The following EZH1 variants were observed in gnomAD, a reference collection of about 807,000 sequenced individuals.
EZH1 encodes histone-lysine N-methyltransferase EZH1.
In EZH1, 33 loss-of-function variants were observed where a neutral mutation model predicts 100.5. The observed-to-expected ratio is 0.33, with a 90% CI of 0.25 to 0.44. The LOEUF is 0.44. EZH1 is among the 20% of genes least tolerant of loss of function. The probability of loss-of-function intolerance (pLI) is 1.00; values close to 1 mark genes in which losing one functional copy is unlikely to be tolerated. For synonymous variants in EZH1, 272 were observed against 313.8 expected (o/e 0.87, Z 1.41); for missense variants, 475 against 928.4 (o/e 0.51, Z 6.35).
chr17:42,706,734 A>G lies in EZH1; in HGVS notation c.1661-549T>C, dbSNP rs1454462676. 1.3e-5 allele frequency among the ~76,000 whole-genome samples: 2 copies of G among 152,090 alleles called. No homozygotes were observed. The highest frequency in any genetic ancestry group is 4.8e-5 in the African/African-American group (2 of 41,424). On this transcript the variant is annotated intron_variant, in intron 15 of 20. Transcript: ENST00000428826. This position sits in a 1 kb window ranked among gnomAD's most constrained non-coding sequence, Gnocchi z 4.4. ...AAAAAAAGCAGGTATACTAATAAGAAGTGTCCCCTAGAGATTCCCCAACAA... is the reference window on the plus strand; with the variant it reads ...AAAAAAAGCAGGTATACTAATAAGAGGTGTCCCCTAGAGATTCCCCAACAA...
At chr17:42,729,040 G>A in intron 2 of EZH1, 88 bp from the exon 3 acceptor site, 1 of 1,283,690 alleles carries the variant, frequency 7.8e-7, no homozygotes, top group Non-Finnish European at 1.1e-6. Flanking sequence ...GATCAATTAT[G>A]CTTTCATTCC....
At chr17:42,716,285 A>C (rs997879224) in intron 10 of EZH1, among the ~76,000 whole-genome samples, 4 of 152,188 alleles carry the variant, frequency 2.6e-5, no homozygotes, top group Admixed American at 6.6e-5. Flanking sequence ...ACATTTACCA[A>C]ATGAGCATCA....
intron 16 of EZH1, 44 bp from the exon 17 acceptor site, chr17:42,705,227 A>G: frequency 1.8e-6 from 2 of 1,083,006 alleles, no homozygotes; most frequent in African/African-American, 1.6e-5. Flanking sequence ...GGTGTGCATG[A>G]GTAGGGGGTG....
intron 1 of EZH1, among the ~76,000 whole-genome samples, chr17:42,734,381 T>C (rs888627290): frequency 6.6e-6 from 1 of 152,272 alleles, no homozygotes. Context: ...CCGTTCCTTT[T>C]TGGCATTCAT....
intron 1 of EZH1, among the ~76,000 whole-genome samples, chr17:42,744,772 G>A (rs2054248146): frequency 6.6e-6 from 1 of 151,818 alleles, no homozygotes; most frequent in Non-Finnish European, 1.5e-5. Context: ...CTCCTCCCGG[G>A]CACACAGCCC....
chr17:42,712,255 G>A (rs1270198483), intron 12 of EZH1, 34 bp downstream of exon 12: 1 of 1,602,870 alleles, frequency 6.2e-7, no homozygotes, highest in African/African-American at 1.3e-5. Flanking sequence ...CGTGAAAGGA[G>A]GGGCCCATTT....
intron 12 of EZH1, among the ~76,000 whole-genome samples, chr17:42,710,372 G>A (rs749232050): frequency 2.0e-5 from 3 of 152,174 alleles, no homozygotes; most frequent in South Asian, 2.1e-4. Flanking sequence ...TAAAGATACC[G>A]GAGCCTCAGC....
chr17:42,708,005 A>G lies in EZH1; in HGVS notation c.1613T>C (p.Ile538Thr). The G allele has an allele frequency of 6.2e-7, 1 of 1,612,898 alleles. No individual in the cohort carries two copies. Among genetic ancestry groups the G allele is most frequent in the Non-Finnish European group, 8.5e-7 (1 of 1,179,724 alleles). The stretch of plus-strand genomic sequence containing the variant: ...CTTCTCACAGAAATTCTGAGTCATG[A>G]TGCAGGGGCAGGTGCTGTCACAGGG... ...DRPCDSTCPC[I>T]MTQNFCEKFC... Residue 538 changes from isoleucine (I) to threonine (T), a missense_variant, in exon 15 of 21, where the codon ATC becomes ACC. Transcript: ENST00000428826.
chr17:42,730,487 CT>C (rs1156867481), intron 2 of EZH1, among the ~76,000 whole-genome samples: 173 of 66,652 alleles, frequency 2.6e-3, no homozygotes, highest in African/African-American at 8.4e-3. Context: ...AGTATGTATT[CT>C]TTTTTTTTTT....
chr17:42,710,371 C>T (rs746399803), intron 12 of EZH1, among the ~76,000 whole-genome samples: 2 of 152,126 alleles, frequency 1.3e-5, no homozygotes, highest in Non-Finnish European at 2.9e-5. Context: ...ATAAAGATAC[C>T]GGAGCCTCAG....
Position 42,713,208 on chromosome 17 carries a change from C to T in EZH1, c.1204+1G>A. ...AAGTCTTCATTTTCTGTTCATCGTA[C>T]CTGAAGAACTGGAGGCCCAGTCATT... On this transcript the variant is annotated splice_donor_variant, in intron 11 of 20. Coordinates refer to ENST00000428826, the MANE Select transcript of EZH1 (RefSeq NM_001991.5). LOFTEE classifies it high-confidence loss of function. 6.2e-7 allele frequency: 1 copy of T among 1,612,464 alleles called. No homozygotes were observed. The highest frequency in any genetic ancestry group is 8.5e-7 in the Non-Finnish European group (1 of 1,179,438).
intron 11 of EZH1, 130 bp downstream of exon 11, chr17:42,713,079 C>T (rs2053522035): frequency 4.5e-6 from 2 of 443,792 alleles, no homozygotes; most frequent in Non-Finnish European, 7.8e-6. Flanking sequence ...CCCATCTTTA[C>T]TGTTTACAAA....
intron 1 of EZH1, among the ~76,000 whole-genome samples, chr17:42,733,045 A>G (rs145923318): frequency 0.033 from 5,028 of 150,848 alleles, 125 homozygotes; most frequent in Admixed American, 0.054. Flanking sequence ...AAAAAAAAAA[A>G]AAAAAGAAAA....
At chr17:42,744,679 C>A (rs2054245328) in intron 1 of EZH1, among the ~76,000 whole-genome samples, 1 of 152,202 alleles carries the variant, frequency 6.6e-6, no homozygotes. Context: ...CCTCCCGCGC[C>A]CTTTGGGCGC....
At chr17:42,734,225 A>G (rs1292604039) in intron 1 of EZH1, among the ~76,000 whole-genome samples, 2 of 151,722 alleles carry the variant, frequency 1.3e-5, no homozygotes, top group African/African-American at 4.8e-5. Flanking sequence ...TTTTTAGTAG[A>G]GACAAGGTTT....
rs565110714 is a variant in EZH1, at chr17:42,718,660, C to T, written c.768-43G>A. On this transcript the variant is annotated intron_variant, in intron 8 of 20. Coordinates refer to ENST00000428826, the MANE Select transcript of EZH1 (RefSeq NM_001991.5). This position sits in a 1 kb window ranked among gnomAD's most constrained non-coding sequence, Gnocchi z 4.2. ...GATAAGAGTTCCTCCGAGGAACTGC[C>T]TCCACTGAGGAAATACAGATTGGGT... 232 of 1,598,602 alleles carry T rather than the reference C, an allele frequency of 1.5e-4. 1 individual carries two copies. In the South Asian group the frequency reaches 2.4e-3, roughly 17 times the overall value.
Position 42,709,948 on chromosome 17 carries a change from A to T in EZH1, c.1402-11T>A. The T allele has an allele frequency of 1.2e-6, 2 of 1,613,742 alleles. No individual in the cohort carries two copies. Among genetic ancestry groups the T allele is most frequent in the Non-Finnish European group, 1.7e-6 (2 of 1,179,654 alleles). On this transcript the variant is annotated splice_polypyrimidine_tract_variant and intron_variant, in intron 12 of 20. Transcript: ENST00000428826. ...TGCAAACTGAAAGACCTGGAAGAGA[A>T]ATCCAACGGGCCTGTCACTCCTCGA... is the stretch of plus-strand genomic sequence containing the variant.
At chr17:42,715,744 A>C (rs1034014438) in intron 10 of EZH1, among the ~76,000 whole-genome samples, 4 of 152,210 alleles carry the variant, frequency 2.6e-5, no homozygotes, top group African/African-American at 9.6e-5. Context: ...TTTGAGATTA[A>C]AAACGAGTAA....
intron 1 of EZH1, among the ~76,000 whole-genome samples, chr17:42,740,022 T>C (rs1266071418): frequency 6.6e-6 from 1 of 151,540 alleles, no homozygotes; most frequent in East Asian, 2.0e-4. Flanking sequence ...CAAAGGAAAA[T>C]GCTGGCTCAC....
Sources: gnomAD v4.1 joint callset for allele counts (sites outside exome capture counted in the v4.1 genomes callset) on GRCh38, gnomAD v4.1.1 for gene constraint, Gnocchi (gnomAD v3.1) non-coding constraint, MANE v1.5 for transcripts, NCBI Gene and HGNC (gene_info 2026-07-23, HGNC 2026-07-21) for gene names.